CRMP1: variants seen among roughly 807,000 people sequenced by gnomAD.
CRMP1 encodes the protein dihydropyrimidinase-related protein 1.
A neutral mutation model predicts 68.3 loss-of-function variants in CRMP1; 19 were observed. The observed-to-expected ratio is 0.28, with a 90% CI of 0.19 to 0.41. The LOEUF (loss-of-function observed/expected upper bound fraction) is 0.41, where lower values mean the gene tolerates loss of function less well. Among genes scored for constraint, CRMP1 ranks in the 10% least tolerant of loss-of-function variants. The pLI is 1.00. For synonymous variants in CRMP1, 439 were observed against 399.6 expected, an observed-to-expected ratio of 1.10 and a Z score of -1.18; for missense variants, 791 against 967.4, an observed-to-expected ratio of 0.82 and a Z score of 2.42.
intron 1 of CRMP1, among the ~76,000 whole-genome samples, chr4:5,878,484 G>A (rs957171215): frequency 1.3e-5 from 2 of 152,116 alleles, no homozygotes; most frequent in African/African-American, 4.8e-5. Flanking sequence ...GCTTTCTAGG[G>A]GAAATACATT....
chr4:5,826,813 C>G (rs1298504228), intron 12 of CRMP1: 1 of 152,656 alleles, frequency 6.6e-6, no homozygotes, highest in East Asian at 1.9e-4. Flanking sequence ...GGTGATAGCA[C>G]CCTGACCCCC....
intron 8 of CRMP1, among the ~76,000 whole-genome samples, chr4:5,839,900 G>A (rs1321736558): frequency 2.6e-5 from 4 of 152,220 alleles, no homozygotes; most frequent in African/African-American, 7.2e-5. Context: ...TCCATGGGGC[G>A]TACGGCAGCT....
chr4:5,833,709 A>T (rs1348290002), intron 11 of CRMP1, among the ~76,000 whole-genome samples: 1 of 152,044 alleles, frequency 6.6e-6, no homozygotes, highest in African/African-American at 2.4e-5. Flanking sequence ...CAGAGTGCCC[A>T]CTCCTGAGCA....
At position 5,872,765 on chromosome 4, in the gene CRMP1, T is replaced by C. The variant is rs1714547205; in HGVS notation, c.382-6009A>G. ...CTCAGCCAAAGTCTAACAGCTGAATTGATTAGCTAGGGCATGTCAGAGATA... is the reference window on the plus strand; with the variant it reads ...CTCAGCCAAAGTCTAACAGCTGAATCGATTAGCTAGGGCATGTCAGAGATA... On this transcript the variant is annotated intron_variant, in intron 1 of 13. Coordinates refer to ENST00000324989, the MANE Select transcript of CRMP1 (RefSeq NM_001014809.3). The surrounding 1 kb of genome is among the most constrained non-coding windows in gnomAD (Gnocchi z 4.6). Among the ~76,000 whole-genome samples, 1 of 152,240 alleles carries C rather than the reference T, an allele frequency of 6.6e-6. No homozygotes were observed. The highest frequency in any genetic ancestry group is 2.1e-4 in the South Asian group (1 of 4,834).
At chr4:5,833,147 T>C (rs1206840165) in intron 11 of CRMP1, among the ~76,000 whole-genome samples, 1 of 145,280 alleles carries the variant, frequency 6.9e-6, no homozygotes, top group African/African-American at 2.6e-5. Flanking sequence ...TTTCAACTTC[T>C]ACCTTCCAGA....
At chr4:5,885,112 A>G (rs1715492012) in intron 1 of CRMP1, among the ~76,000 whole-genome samples, 1 of 152,106 alleles carries the variant, frequency 6.6e-6, no homozygotes, top group African/African-American at 2.4e-5. Context: ...ATTGTCTCAG[A>G]AAAAGGCCAA....
At chr4:5,876,585 A>G (rs969121318) in intron 1 of CRMP1, among the ~76,000 whole-genome samples, 2 of 152,236 alleles carry the variant, frequency 1.3e-5, no homozygotes, top group African/African-American at 2.4e-5. Context: ...GTGCTTATCC[A>G]AGCATTGAAT....
Position 5,891,359 on chromosome 4 carries a change from C to T in CRMP1, c.381+1230G>A, listed in dbSNP as rs996812107. 1.3e-5 allele frequency among the ~76,000 whole-genome samples: 2 copies of T among 152,118 alleles called. No individual in the cohort carries two copies. Among genetic ancestry groups the T allele is most frequent in the Admixed American group, 1.3e-4 (2 of 15,278 alleles). On this transcript the variant is annotated intron_variant, in intron 1 of 13. Coordinates refer to ENST00000324989, the MANE Select transcript of CRMP1 (RefSeq NM_001014809.3). This position sits in a 1 kb window ranked among gnomAD's most constrained non-coding sequence, Gnocchi z 5.2. The stretch of plus-strand genomic sequence containing the variant: ...CCCTGCTCCTATTCCTCCAGGAAGC[C>T]CTCCCAGATATCTGCCCCGATCAAG...
chr4:5,888,221 C>A lies in CRMP1; in HGVS notation c.381+4368G>T. ...AGCGCGGGGCGGCGGGGGCGGGGGC[C>A]GCTTACCGTGATGTGCGGGATGCTC... On this transcript the variant is annotated intron_variant, in intron 1 of 13. Coordinates refer to ENST00000324989, the MANE Select transcript of CRMP1 (RefSeq NM_001014809.3). This position sits in a 1 kb window ranked among gnomAD's most constrained non-coding sequence, Gnocchi z 6.4. 1 of 1,268,082 alleles carries A rather than the reference C, an allele frequency of 7.9e-7. No homozygotes were observed. Among genetic ancestry groups the A allele is most frequent in the African/African-American group, 1.5e-5 (1 of 65,128 alleles). The allele number at this position is 1,268,082 out of a possible 1,614,324, so 78.6% of individuals were successfully genotyped here.
chr4:5,882,629 T>C (rs1715288069), intron 1 of CRMP1, among the ~76,000 whole-genome samples: 1 of 152,216 alleles, frequency 6.6e-6, no homozygotes. Flanking sequence ...AATTGATGCA[T>C]AGAAAGAATA....
At chr4:5,887,406 G>T (rs1422582947) in intron 1 of CRMP1, 4 of 985,492 alleles carry the variant, frequency 4.1e-6, no homozygotes, top group Non-Finnish European at 4.8e-6. Context: ...CCAGTGGTCC[G>T]CATCCCTCAG....
At chr4:5,887,784 G>A in intron 1 of CRMP1, 2 of 988,872 alleles carry the variant, frequency 2.0e-6, no homozygotes, top group East Asian at 2.2e-4. Flanking sequence ...CCCTCCTCCA[G>A]CGGGGGAGGT....
At chr4:5,863,464 T>C (rs1018831843) in intron 2 of CRMP1, among the ~76,000 whole-genome samples, 1 of 152,118 alleles carries the variant, frequency 6.6e-6, no homozygotes. Flanking sequence ...GCTTCCCTTA[T>C]ATAGGAGCCA....
rs574563317 is a variant in CRMP1 at position 5,881,580 on chromosome 4, T to A, written c.381+11009A>T. 1.3e-5 allele frequency among the ~76,000 whole-genome samples: 2 copies of A among 152,276 alleles called. No homozygotes were observed. Among genetic ancestry groups the A allele is most frequent in the African/African-American group, 4.8e-5 (2 of 41,556 alleles). On this transcript the variant is annotated intron_variant, in intron 1 of 13. Coordinates refer to ENST00000324989, the MANE Select transcript of CRMP1 (RefSeq NM_001014809.3). The surrounding 1 kb of genome is among the most constrained non-coding windows in gnomAD (Gnocchi z 4.6). ...CCACTGCCCCGACCATGTTCTTTTA[T>A]ATGCTCTCACGGCAAAGTCCTCCGG...
In CRMP1 at chr4:5,888,552, C is replaced by G; in HGVS notation, c.381+4037G>C. 1 of 1,137,542 alleles carries G rather than the reference C, an allele frequency of 8.8e-7. No homozygotes were observed. The highest frequency in any genetic ancestry group is 4.9e-5 in the Admixed American group (1 of 20,518). 70.5% of individuals were successfully genotyped at this position (1,137,542 alleles called of 1,614,324 possible). A position where few individuals can be genotyped will look rare whatever the true frequency, so the allele number is the denominator to read the frequency against. Reference sequence around the variant, plus strand: ...GGGGGCTGCAGACAGCTCCTCCCGGCGGCGCGGAGCGAAGCCGGATTCGCC... The same window carrying G: ...GGGGGCTGCAGACAGCTCCTCCCGGGGGCGCGGAGCGAAGCCGGATTCGCC... On this transcript the variant is annotated intron_variant, in intron 1 of 13. Transcript: ENST00000324989. The surrounding 1 kb of genome is among the most constrained non-coding windows in gnomAD (Gnocchi z 6.4).
intron 2 of CRMP1, among the ~76,000 whole-genome samples, chr4:5,863,115 C>CTTTTTTT (rs35515710): frequency 2.1e-5 from 3 of 140,102 alleles, no homozygotes; most frequent in Non-Finnish European, 4.6e-5. Context: ...TCTTTTTTTC[C>CTTTTTTT]TTTTTTTTTT....
chr4:5,878,303 G>A (rs1560519159), intron 1 of CRMP1, among the ~76,000 whole-genome samples: 1 of 151,850 alleles, frequency 6.6e-6, no homozygotes, highest in African/African-American at 2.4e-5. Context: ...CTGAGCCTCA[G>A]TTCCCCACTC....
At chr4:5,835,079 CCAGTATGTGAGCCCATACTCCTTCTG>C (rs1461016742) in intron 11 of CRMP1, among the ~76,000 whole-genome samples, 13 of 145,276 alleles carry the variant, frequency 8.9e-5, no homozygotes, top group African/African-American at 3.4e-4. Flanking sequence ...TACTCCTTCT[CCAGTATGTGAGCCCATACTCCTTCTG>C]CAGTATGTGA....
rs965597393 is a variant in CRMP1, at chr4:5,834,643, C to T, written c.1623+1272G>A. Among the ~76,000 whole-genome samples the T allele has an allele frequency of 3.9e-5, 6 of 152,212 alleles. No homozygotes were observed. Among genetic ancestry groups the T allele is most frequent in the Admixed American group, 6.5e-5 (1 of 15,290 alleles). ...CTCTCACTGGCAAGACCCTCTCAGA[C>T]GCTCTCCCATTGCCTCTCCTATGTG... On this transcript the variant is annotated intron_variant, in intron 11 of 13. Coordinates refer to ENST00000324989, the MANE Select transcript of CRMP1 (RefSeq NM_001014809.3). This position sits in a 1 kb window ranked among gnomAD's most constrained non-coding sequence, Gnocchi z 4.3.
Sources: allele counts gnomAD v4.1 joint callset (sites outside exome capture counted in the v4.1 genomes callset), GRCh38; gene constraint gnomAD v4.1.1; non-coding constraint Gnocchi (gnomAD v3.1); transcripts MANE v1.5; gene names NCBI Gene and HGNC (gene_info 2026-07-23, HGNC 2026-07-21).